STON2: variants seen among roughly 807,000 people sequenced by gnomAD.
STON2 encodes stonin-2.
In STON2, 29 loss-of-function variants were observed where a neutral mutation model predicts 65.7. That is an observed-to-expected ratio of 0.44 (90% CI 0.33 to 0.60). The LOEUF (loss-of-function observed/expected upper bound fraction) is 0.60, where lower values mean the gene tolerates loss of function less well. Ranked by LOEUF, STON2 falls within the 20% of genes least tolerant of loss-of-function variation. The probability of loss-of-function intolerance (pLI) is 0.03; values close to 1 mark genes in which losing one functional copy is unlikely to be tolerated. For missense variants in STON2, 1,054 were observed against 1,118.1 expected, an observed-to-expected ratio of 0.94 and a Z score of 0.82; for synonymous variants, 404 against 414.2, an observed-to-expected ratio of 0.98 and a Z score of 0.30.
chr14:81,299,898 T>TTTTTG (rs59997170), intron 5 of STON2, among the ~76,000 whole-genome samples: 3 of 151,428 alleles, frequency 2.0e-5, no homozygotes, highest in South Asian at 2.1e-4. Flanking sequence ...TTTTTTTTTT[T>TTTTTG]AAATTGATCT....
chr14:81,273,463 A>G (rs2140107253), intron 6 of STON2, among the ~76,000 whole-genome samples: 1 of 152,320 alleles, frequency 6.6e-6, no homozygotes, highest in Non-Finnish European at 1.5e-5. Flanking sequence ...AAAGAAAGCC[A>G]CTTATGCAGG....
chr14:81,398,210 C>A (rs1595442675), intron 2 of STON2, 85 bp downstream of exon 2: 1 of 935,604 alleles, frequency 1.1e-6, no homozygotes. Context: ...AGATCCCACC[C>A]AAAGAATAAT....
intron 1 of STON2, among the ~76,000 whole-genome samples, chr14:81,430,933 T>C (rs1384372796): frequency 6.6e-6 from 1 of 152,242 alleles, no homozygotes; most frequent in African/African-American, 2.4e-5. Flanking sequence ...TCACTGGCTC[T>C]CAGAGTTACA....
chr14:81,267,242 GCGTT>G lies in STON2; in HGVS notation c.*1168_*1171del, dbSNP rs1466276249. 2.0e-6 allele frequency: 2 copies of G among 985,214 alleles called. No homozygotes were observed. Among genetic ancestry groups the G allele is most frequent in the African/African-American group, 3.5e-5 (2 of 57,210 alleles). The allele number at this position is 985,214 out of a possible 1,614,324, so 61.0% of individuals were successfully genotyped here. A position where few individuals can be genotyped will look rare whatever the true frequency, so the allele number is the denominator to read the frequency against. Reference sequence around the variant, plus strand: ...GATGAAGAAAAAGAAGATGGAGTGAGCGTTCTGACTCTTGGAATCAGAATATAAT... The same window carrying G: ...GATGAAGAAAAAGAAGATGGAGTGAGCTGACTCTTGGAATCAGAATATAAT... On this transcript the variant is annotated 3_prime_UTR_variant, in exon 8 of 8. Coordinates refer to ENST00000614646, the MANE Select transcript of STON2 (RefSeq NM_001394390.1).
At chr14:81,315,662 C>G (rs1040833480) in intron 5 of STON2, among the ~76,000 whole-genome samples, 1 of 152,256 alleles carries the variant, frequency 6.6e-6, no homozygotes, top group African/African-American at 2.4e-5. Context: ...GGCAGAAACA[C>G]CTGGGAAGAA....
At position 81,398,955 on chromosome 14, in the gene STON2, G is replaced by A. The variant is rs540250251; in HGVS notation, c.-198-375C>T. ...TTACTAGCTGGCAAAATAAAAGCATGTTCTTTTCTATTAAATTAGTCCAGT... is the reference window on the plus strand; with the variant it reads ...TTACTAGCTGGCAAAATAAAAGCATATTCTTTTCTATTAAATTAGTCCAGT... On this transcript the variant is annotated intron_variant, in intron 1 of 7. Transcript: ENST00000614646. Among the ~76,000 whole-genome samples, 80 of 152,282 alleles carry A rather than the reference G, an allele frequency of 5.3e-4. 2 individuals carry two copies. The South Asian group carries it at 0.012, about 22-fold the overall frequency.
upstream of STON2, among the ~76,000 whole-genome samples, chr14:81,401,594 G>A (rs1440644678): frequency 6.6e-6 from 1 of 152,116 alleles, no homozygotes; most frequent in African/African-American, 2.4e-5. Context: ...TTAGTTGCTT[G>A]GTAAAAACCT....
chr14:81,368,604 C>T (rs781403845), intron 4 of STON2, among the ~76,000 whole-genome samples: 31 of 152,102 alleles, frequency 2.0e-4, no homozygotes, highest in Non-Finnish European at 4.0e-4. Context: ...ATCCCAGCTA[C>T]TTGGGAGGCT....
intron 5 of STON2, among the ~76,000 whole-genome samples, chr14:81,293,622 G>A (rs193183869): frequency 1.3e-5 from 2 of 152,288 alleles, no homozygotes; most frequent in Non-Finnish European, 2.9e-5. Flanking sequence ...TGCTTTAGTC[G>A]AGATTAAATA....
intron 5 of STON2, among the ~76,000 whole-genome samples, chr14:81,286,077 G>A (rs1188685301): frequency 6.6e-6 from 1 of 152,074 alleles, no homozygotes; most frequent in Non-Finnish European, 1.5e-5. Flanking sequence ...GAACCCAGGA[G>A]GTGAAGGTTG....
chr14:81,367,608 G>A (rs554280639), intron 4 of STON2, among the ~76,000 whole-genome samples: 4 of 152,318 alleles, frequency 2.6e-5, no homozygotes, highest in African/African-American at 9.6e-5. Context: ...AGGATGAGGT[G>A]AAGACTTTTC....
Position 81,324,204 on chromosome 14 carries a change from A to G in STON2, c.572-17T>C, listed in dbSNP as rs114636751. Among the ~76,000 whole-genome samples, 4,956 of 152,198 alleles carry G rather than the reference A, an allele frequency of 0.033. 239 individuals are homozygous for G. The highest frequency in any genetic ancestry group is 0.11 in the African/African-American group (4,419 of 41,484). On this transcript the variant is annotated splice_polypyrimidine_tract_variant and intron_variant, in intron 4 of 7. Transcript: ENST00000614646. Reference sequence around the variant, plus strand: ...TCCTCTTGTCTGGGTGGGAAGGGCCAAGATGAAAAAAAAATGTGCAGGTTA... The same window carrying G: ...TCCTCTTGTCTGGGTGGGAAGGGCCGAGATGAAAAAAAAATGTGCAGGTTA...
intron 3 of STON2, among the ~76,000 whole-genome samples, chr14:81,392,655 A>G (rs577842283): frequency 3.0e-4 from 45 of 152,336 alleles, no homozygotes; most frequent in African/African-American, 1.0e-3. Context: ...TTTTAAAATA[A>G]CTTTAATTTT....
chr14:81,333,843 T>G (rs1266903484), intron 4 of STON2, among the ~76,000 whole-genome samples: 1 of 152,206 alleles, frequency 6.6e-6, no homozygotes, highest in Non-Finnish European at 1.5e-5. Context: ...AGTGTGCCAT[T>G]TAAGAAGCAG....
At chr14:81,362,953 G>A (rs969077140) in intron 4 of STON2, among the ~76,000 whole-genome samples, 1 of 152,150 alleles carries the variant, frequency 6.6e-6, no homozygotes, top group Non-Finnish European at 1.5e-5. Context: ...ATAAGCACAT[G>A]ATGGGGGTTT....
chr14:81,284,081 G>A (rs1895239428), intron 5 of STON2, among the ~76,000 whole-genome samples: 1 of 152,110 alleles, frequency 6.6e-6, no homozygotes, highest in Non-Finnish European at 1.5e-5. Flanking sequence ...TGTGTGTTCT[G>A]GGCTGCTCCA....
chr14:81,379,012 T>C (rs2140388958), intron 3 of STON2, among the ~76,000 whole-genome samples: 1 of 152,252 alleles, frequency 6.6e-6, no homozygotes, highest in South Asian at 2.1e-4. Context: ...CTCTCTTCTG[T>C]TCAACATCAT....
At chr14:81,288,709 G>T (rs1895436342) in intron 5 of STON2, among the ~76,000 whole-genome samples, 2 of 152,038 alleles carry the variant, frequency 1.3e-5, no homozygotes, top group South Asian at 4.1e-4. Context: ...ACACCTATAT[G>T]GTATGAAAAG....
At chr14:81,413,941 CA>C (rs1337777106) in intron 2 of STON2, among the ~76,000 whole-genome samples, 1 of 139,032 alleles carries the variant, frequency 7.2e-6, no homozygotes, top group Non-Finnish European at 1.5e-5. Flanking sequence ...ATATTAGCAA[CA>C]TTGAGAATAA....
Sources: gnomAD v4.1 joint callset for allele counts (sites outside exome capture counted in the v4.1 genomes callset) on GRCh38, gnomAD v4.1.1 for gene constraint, MANE v1.5 for transcripts, NCBI Gene and HGNC (gene_info 2026-07-23, HGNC 2026-07-21) for gene names.